Variants in SF3A3 observed in about 807,000 individuals in gnomAD.
SF3A3 encodes the protein splicing factor 3a subunit 3.
A neutral mutation model predicts 85.8 loss-of-function variants in SF3A3; 9 were observed. That is an observed-to-expected ratio of 0.10 (90% confidence interval 0.06 to 0.18). SF3A3 has a LOEUF of 0.18. Ranked by LOEUF, SF3A3 falls within the 10% of genes least tolerant of loss-of-function variation. The pLI, the probability that SF3A3 is intolerant of heterozygous loss-of-function variation, is 1.00. For missense variants in SF3A3, 306 were observed against 593.3 expected (o/e 0.52, Z 5.03); for synonymous variants, 195 against 204.4 (o/e 0.95, Z 0.39).
In SF3A3 at chr1:37,979,471, G is replaced by A. The variant is rs1473374835; in HGVS notation, c.753C>T (p.Ser251=). ...GAHLDLSAFS[S]WEELASLGLD... is the part of the protein sequence containing the mutation. The stretch of plus-strand genomic sequence containing the variant: ...ACTGCTGAAGGAAACATACCTCCCA[G>A]GAGGAGAATGCAGAGAGGTCAAGAT... The change falls in exon 9 of 17, where the codon TCC becomes TCT. Residue 251 remains serine (S), a synonymous_variant. Coordinates refer to ENST00000373019, the MANE Select transcript of SF3A3 (RefSeq NM_006802.4). 5 of 1,611,556 alleles carry A rather than the reference G, an allele frequency of 3.1e-6. No individual in the cohort carries two copies. The highest frequency in any genetic ancestry group is 4.2e-6 in the Non-Finnish European group (5 of 1,177,762).
chr1:37,975,233 T>C (rs1557751650), intron 12 of SF3A3, among the ~76,000 whole-genome samples: 1 of 152,050 alleles, frequency 6.6e-6, no homozygotes, highest in Non-Finnish European at 1.5e-5. Flanking sequence ...AGCAAAATGC[T>C]CTTAAAGGAT....
At chr1:37,971,748 A>C (rs1443421065) in intron 12 of SF3A3, among the ~76,000 whole-genome samples, 5 of 152,212 alleles carry the variant, frequency 3.3e-5, no homozygotes, top group African/African-American at 1.2e-4. Context: ...AGAACCAAAG[A>C]CAAAAACCAC....
chr1:37,961,173 AGCC>A (rs1646255064), intron 15 of SF3A3, among the ~76,000 whole-genome samples: 1 of 152,236 alleles, frequency 6.6e-6, no homozygotes, highest in Non-Finnish European at 1.5e-5. Context: ...AGACAGTTAA[AGCC>A]TAAGATGGGT....
intron 14 of SF3A3, 65 bp downstream of exon 14, chr1:37,969,289 T>C: frequency 4.1e-6 from 5 of 1,228,042 alleles, no homozygotes; most frequent in Non-Finnish European, 4.8e-6. Context: ...CTGCTCCTAC[T>C]CTTTTCTCTA....
At chr1:37,980,288 GAGGCGCGTGC>G (rs1159177081) in intron 8 of SF3A3, among the ~76,000 whole-genome samples, 1 of 152,116 alleles carries the variant, frequency 6.6e-6, no homozygotes, top group Middle Eastern at 3.2e-3. Context: ...GCCGGGTGTG[GAGGCGCGTGC>G]CTGTAATCCC....
chr1:37,987,084 CTTCT>C (rs1463365019), intron 4 of SF3A3, among the ~76,000 whole-genome samples: 1 of 148,730 alleles, frequency 6.7e-6, no homozygotes, highest in Non-Finnish European at 1.5e-5. Context: ...GTGGCCTTGA[CTTCT>C]TTTTTTTGAG....
At chr1:37,979,160 C>T in intron 9 of SF3A3, 105 bp from the exon 10 acceptor site, 2 of 856,554 alleles carry the variant, frequency 2.3e-6, no homozygotes, top group East Asian at 2.5e-5. Context: ...CAGGACCACA[C>T]ATTTCACAGC....
At chr1:37,960,984 A>C (rs567036522) in intron 15 of SF3A3, among the ~76,000 whole-genome samples, 7 of 152,234 alleles carry the variant, frequency 4.6e-5, no homozygotes, top group African/African-American at 1.7e-4. Flanking sequence ...TGGTGTCAGG[A>C]AGGTGAACTC....
chr1:37,982,301 G>A (rs955408092), intron 6 of SF3A3, among the ~76,000 whole-genome samples: 1 of 152,242 alleles, frequency 6.6e-6, no homozygotes, highest in African/African-American at 2.4e-5. Flanking sequence ...AATTCCATGA[G>A]GAATCTAATC....
intron 12 of SF3A3, among the ~76,000 whole-genome samples, chr1:37,971,320 C>T (rs1022869083): frequency 4.6e-5 from 7 of 152,026 alleles, no homozygotes; most frequent in Non-Finnish European, 1.0e-4. Flanking sequence ...AAGTTGAATC[C>T]CTGAATAGAC....
At chr1:37,965,889 T>C (rs1570456102) in intron 15 of SF3A3, among the ~76,000 whole-genome samples, 1 of 152,042 alleles carries the variant, frequency 6.6e-6, no homozygotes, top group Non-Finnish European at 1.5e-5. Flanking sequence ...AAATGTGACA[T>C]AGATCCACTG....
Position 37,958,249 on chromosome 1 carries a change from G to A in SF3A3, c.1443C>T (p.Asp481=). The A allele has an allele frequency of 1.2e-6, 2 of 1,611,340 alleles. No homozygotes were observed. The highest frequency in any genetic ancestry group is 1.7e-6 in the Non-Finnish European group (2 of 1,177,468). Residue 481 remains aspartate, a synonymous_variant, in exon 17 of 17, where the codon GAC becomes GAT. Transcript: ENST00000373019. ...TCTTATTCACAACATTCCCACTTGA[G>A]TCTTCATATTCTTCCTGAAAAGGAA... ...WQPDTEEEYE[D]SSGNVVNKKT...
intron 15 of SF3A3, 107 bp downstream of exon 15, chr1:37,967,937 C>A: frequency 1.4e-6 from 1 of 713,154 alleles, no homozygotes; most frequent in South Asian, 1.6e-5. Context: ...TTTACATATC[C>A]ACAACCTACT....
chr1:37,973,551 G>A (rs1327362084), intron 12 of SF3A3, among the ~76,000 whole-genome samples: 1 of 152,238 alleles, frequency 6.6e-6, no homozygotes, highest in African/African-American at 2.4e-5. Context: ...ACACCAGTTA[G>A]AATGGCGATG....
intron 7 of SF3A3, 58 bp from the exon 8 acceptor site, chr1:37,980,782 G>A: frequency 1.6e-6 from 2 of 1,274,158 alleles, no homozygotes; most frequent in Non-Finnish European, 2.1e-6. Context: ...TTGGTATCTT[G>A]TTATTCCCTG....
chr1:37,980,514 A>G (rs1321540678), intron 8 of SF3A3, 72 bp downstream of exon 8: 3 of 1,517,264 alleles, frequency 2.0e-6, no homozygotes, highest in Middle Eastern at 2.4e-4. Context: ...CTAAAGTGGA[A>G]GCTCAAGATA....
intron 5 of SF3A3, among the ~76,000 whole-genome samples, 171 bp downstream of exon 5, chr1:37,984,536 G>C (rs1050497018): frequency 6.6e-6 from 1 of 152,198 alleles, no homozygotes; most frequent in Non-Finnish European, 1.5e-5. Context: ...AGAACAAAAT[G>C]AACATTTTGC....
At chr1:37,989,760 G>A (rs569626152) in intron 1 of SF3A3, 110 bp downstream of exon 1, 2 of 1,211,720 alleles carry the variant, frequency 1.7e-6, no homozygotes, top group African/African-American at 1.5e-5. Flanking sequence ...CTCGGAGAGG[G>A]AGCCCGGAGG....
At chr1:37,966,935 CAA>C (rs11394683) in intron 15 of SF3A3, among the ~76,000 whole-genome samples, 14 of 14,172 alleles carry the variant, frequency 9.9e-4, no homozygotes, top group Admixed American at 2.4e-3. Flanking sequence ...AACTCCATCT[CAA>C]AAAAAAAAAA....
Sources: gnomAD v4.1 joint callset for allele counts (sites outside exome capture counted in the v4.1 genomes callset) on GRCh38, gnomAD v4.1.1 for gene constraint, MANE v1.5 for transcripts, NCBI Gene and HGNC (gene_info 2026-07-23, HGNC 2026-07-21) for gene names.